The following SPIN1 variants were observed in gnomAD, a reference collection of about 807,000 sequenced individuals.
SPIN1 encodes spindlin-1.
In SPIN1, 3 loss-of-function variants were observed where a neutral mutation model predicts 26.0. The observed-to-expected ratio is 0.12, with a 90% confidence interval of 0.05 to 0.30. The LOEUF is 0.30. Among genes scored for constraint, SPIN1 ranks in the 10% least tolerant of loss-of-function variants. The probability of loss-of-function intolerance (pLI) is 1.00; values close to 1 mark genes in which losing one functional copy is unlikely to be tolerated. For missense variants in SPIN1, 126 were observed against 333.4 expected (o/e 0.38, Z 4.84); for synonymous variants, 101 against 116.5 (o/e 0.87, Z 0.86).
chr9:88,428,478 A>G (rs1006319187), intron 2 of SPIN1, among the ~76,000 whole-genome samples: 3 of 152,214 alleles, frequency 2.0e-5, no homozygotes, highest in East Asian at 1.9e-4. Context: ...AATGGCCTCT[A>G]GCTGCATCCT....
chr9:88,441,667 A>G (rs1319486945), intron 2 of SPIN1, among the ~76,000 whole-genome samples: 1 of 151,422 alleles, frequency 6.6e-6, no homozygotes, highest in East Asian at 1.9e-4. Flanking sequence ...AGGCGGGAGG[A>G]CCGCTTGAGT....
At chr9:88,410,577 A>G (rs1341339472) in intron 1 of SPIN1, 9 of 845,142 alleles carry the variant, frequency 1.1e-5, no homozygotes, top group African/African-American at 9.9e-5. Flanking sequence ...TGGAACCACC[A>G]TAGTAGCCAC....
chr9:88,462,454 CT>C (rs1256166091), intron 3 of SPIN1, 41 bp from the exon 4 acceptor site: 8 of 1,593,812 alleles, frequency 5.0e-6, no homozygotes, highest in Non-Finnish European at 6.0e-6. Flanking sequence ...GGCATGCATA[CT>C]TTTGAGATAA....
chr9:88,426,692 A>C (rs527261137), intron 2 of SPIN1, 101 bp downstream of exon 2: 2 of 1,036,088 alleles, frequency 1.9e-6, no homozygotes, highest in South Asian at 3.1e-5. Flanking sequence ...CTAGTGAAAA[A>C]CTTTGTCATT....
chr9:88,405,900 A>G (rs1041674794), intron 1 of SPIN1, among the ~76,000 whole-genome samples: 1 of 151,890 alleles, frequency 6.6e-6, no homozygotes, highest in South Asian at 2.1e-4. Flanking sequence ...CAGTGGTGCC[A>G]TCTTGGCTCA....
chr9:88,451,299 G>A (rs1828347490), intron 3 of SPIN1, among the ~76,000 whole-genome samples: 1 of 152,178 alleles, frequency 6.6e-6, no homozygotes. Context: ...TGAGGGAAAA[G>A]TCACAGAACT....
intron 3 of SPIN1, among the ~76,000 whole-genome samples, chr9:88,455,240 A>G (rs1564039570): frequency 6.6e-6 from 1 of 152,190 alleles, no homozygotes; most frequent in Non-Finnish European, 1.5e-5. Context: ...CAAGGCTGGC[A>G]GATGACCTGA....
chr9:88,471,085 A>G (rs1390566632), intron 5 of SPIN1, among the ~76,000 whole-genome samples: 1 of 152,170 alleles, frequency 6.6e-6, no homozygotes, highest in East Asian at 1.9e-4. Flanking sequence ...TGATCTTTGC[A>G]CAAAAGTTTT....
chr9:88,426,365 G>GT lies in SPIN1; in HGVS notation c.-158-14dup. ...TCTCTTGATGCTCTAGTAATGAACT[G>GT]TTTCACTATTTTACAGAGTGCTTGT... is the stretch of plus-strand genomic sequence containing the variant. On this transcript the variant is annotated splice_polypyrimidine_tract_variant and intron_variant, in intron 1 of 5. Transcript: ENST00000375859. The GT allele has an allele frequency of 1.9e-6, 1 of 521,950 alleles. No homozygotes were observed. The highest frequency in any genetic ancestry group is 3.5e-5 in the Admixed American group (1 of 28,728). The allele number at this position is 521,950 out of a possible 1,614,324, so 32.3% of individuals were successfully genotyped here. A position where few individuals can be genotyped will look rare whatever the true frequency, so the allele number is the denominator to read the frequency against.
intron 1 of SPIN1, among the ~76,000 whole-genome samples, chr9:88,415,163 C>G (rs886254272): frequency 6.6e-6 from 1 of 152,134 alleles, no homozygotes. Flanking sequence ...CTCAGCCTCC[C>G]AAAGTGCTGG....
In SPIN1 at chr9:88,475,388, C is replaced by T; in HGVS notation, c.*111C>T. Reference sequence around the variant, plus strand: ...GAAAGCTTAAATGTCCCTGCGAACCCACAATCTCTGCCAGCAGAACTGGTT... The same window carrying T: ...GAAAGCTTAAATGTCCCTGCGAACCTACAATCTCTGCCAGCAGAACTGGTT... On this transcript the variant is annotated 3_prime_UTR_variant, in exon 6 of 6. Transcript: ENST00000375859. 2 of 1,103,102 alleles carry T rather than the reference C, an allele frequency of 1.8e-6. No individual in the cohort carries two copies. Among genetic ancestry groups the T allele is most frequent in the Non-Finnish European group, 1.3e-6 (1 of 767,938 alleles). The allele number at this position is 1,103,102 out of a possible 1,614,324, so 68.3% of individuals were successfully genotyped here.
At chr9:88,460,986 A>G (rs1828568186) in intron 3 of SPIN1, among the ~76,000 whole-genome samples, 1 of 152,238 alleles carries the variant, frequency 6.6e-6, no homozygotes, top group Non-Finnish European at 1.5e-5. Context: ...TGCCTGTCAG[A>G]ACATCTGTCA....
intron 2 of SPIN1, among the ~76,000 whole-genome samples, chr9:88,432,268 C>T: frequency 6.8e-6 from 1 of 146,268 alleles, no homozygotes; most frequent in South Asian, 2.2e-4. Flanking sequence ...CAGCTCACTG[C>T]AACCTCCACC....
chr9:88,417,280 C>T (rs1427230914), intron 1 of SPIN1, among the ~76,000 whole-genome samples: 2 of 152,070 alleles, frequency 1.3e-5, no homozygotes, highest in Non-Finnish European at 2.9e-5. Context: ...TCATACTCAG[C>T]ACAACACTTC....
intron 1 of SPIN1, chr9:88,410,650 C>T: frequency 8.3e-7 from 1 of 1,199,258 alleles, no homozygotes. Context: ...GCTTCTGCCT[C>T]CAAAGTTTCC....
intron 1 of SPIN1, among the ~76,000 whole-genome samples, chr9:88,398,006 C>T (rs1217544422): frequency 1.3e-5 from 2 of 151,340 alleles, no homozygotes; most frequent in Non-Finnish European, 2.9e-5. Context: ...ATTGCAGCCT[C>T]GACCTTCCCG....
At chr9:88,439,627 A>C (rs577810800) in intron 2 of SPIN1, among the ~76,000 whole-genome samples, 1 of 152,242 alleles carries the variant, frequency 6.6e-6, no homozygotes, top group South Asian at 2.1e-4. Context: ...CTATAGTTCC[A>C]TCAGCTTTTT....
chr9:88,462,369 G>T, intron 3 of SPIN1, 127 bp from the exon 4 acceptor site: 1 of 1,321,596 alleles, frequency 7.6e-7, no homozygotes. Context: ...GCAGGAATGT[G>T]GCAAACATGA....
intron 2 of SPIN1, among the ~76,000 whole-genome samples, chr9:88,432,046 T>C (rs1407464414): frequency 6.6e-6 from 1 of 152,142 alleles, no homozygotes; most frequent in Non-Finnish European, 1.5e-5. Flanking sequence ...AAAATAGATT[T>C]ATTCTGTAAC....
Sources: gnomAD v4.1 joint callset for allele counts (sites outside exome capture counted in the v4.1 genomes callset) on GRCh38, gnomAD v4.1.1 for gene constraint, MANE v1.5 for transcripts, NCBI Gene and HGNC (gene_info 2026-07-23, HGNC 2026-07-21) for gene names.